Variants in RNPEP observed in about 807,000 individuals in gnomAD.
The protein encoded by RNPEP is aminopeptidase B.
A neutral mutation model predicts 70.1 loss-of-function variants in RNPEP; 57 were observed. That is an observed-to-expected ratio of 0.81 (90% CI 0.66 to 1.01). The LOEUF is 1.01. Among genes scored for constraint, RNPEP ranks in the 50% least tolerant of loss-of-function variants. The pLI is 0.00. For synonymous variants in RNPEP, 335 were observed against 357.4 expected, an observed-to-expected ratio of 0.94 and a Z score of 0.71; for missense variants, 787 against 852.4, an observed-to-expected ratio of 0.92 and a Z score of 0.96.
chr1:201,989,349 CAGGTAAA>C, intron 2 of RNPEP, 27 bp from the exon 3 acceptor site: 1 of 1,606,522 alleles, frequency 6.2e-7, no homozygotes, highest in Non-Finnish European at 8.5e-7. Context: ...AAACTCTCTC[CAGGTAAA>C]ATCTCCTAAG....
At chr1:201,986,675 G>T (rs1683143935) in intron 1 of RNPEP, among the ~76,000 whole-genome samples, 1 of 151,642 alleles carries the variant, frequency 6.6e-6, no homozygotes, top group Non-Finnish European at 1.5e-5. Context: ...GAAGTAGCTG[G>T]GACTATAGGC....
intron 1 of RNPEP, among the ~76,000 whole-genome samples, chr1:201,984,708 C>CT (rs1417450068): frequency 6.6e-6 from 1 of 151,928 alleles, no homozygotes; most frequent in East Asian, 1.9e-4. Context: ...AGGCACTAGT[C>CT]TAAGTGCTTG....
chr1:201,998,369 C>T (rs1683650296), intron 5 of RNPEP, among the ~76,000 whole-genome samples: 1 of 151,638 alleles, frequency 6.6e-6, no homozygotes, highest in South Asian at 2.1e-4. Flanking sequence ...ACATCCCACT[C>T]CCTGTAGCTG....
At chr1:201,983,746 G>C in intron 1 of RNPEP, 1 of 1,117,528 alleles carries the variant, frequency 8.9e-7, no homozygotes, top group Non-Finnish European at 1.1e-6. Context: ...CCTTCTCACT[G>C]TTGGTTAACT....
At chr1:201,994,668 CTTT>C (rs774484493) in intron 3 of RNPEP, among the ~76,000 whole-genome samples, 3 of 137,858 alleles carry the variant, frequency 2.2e-5, no homozygotes, top group African/African-American at 5.3e-5. Flanking sequence ...CCATCAGTCT[CTTT>C]TTTTTTTTTT....
At chr1:201,983,368 C>G in intron 1 of RNPEP, 1 of 1,499,178 alleles carries the variant, frequency 6.7e-7, no homozygotes, top group Non-Finnish European at 8.9e-7. Context: ...TCCGTCCTTC[C>G]GCGTCTCCTC....
chr1:201,990,244 T>C (rs1342975707), intron 3 of RNPEP, among the ~76,000 whole-genome samples: 1 of 152,230 alleles, frequency 6.6e-6, no homozygotes, highest in Non-Finnish European at 1.5e-5. Flanking sequence ...CATTTTCTTT[T>C]GCACGTAGTT....
In RNPEP at chr1:202,003,301, T is replaced by C. The variant is rs1419398910; in HGVS notation, c.1491T>C (p.Pro497=). ...CCCCGTACCTCCCTGATCTCTCCCCTGGGGACTCACTCATGAAGCCTGCTG... is the reference window on the plus strand; with the variant it reads ...CCCCGTACCTCCCTGATCTCTCCCCCGGGGACTCACTCATGAAGCCTGCTG... ...GWPPYLPDLS[P]GDSLMKPAEE... The change falls in exon 9 of 11, where the codon CCT becomes CCC. Residue 497 remains proline (P), a synonymous_variant. Transcript: ENST00000295640. 1 of 1,613,994 alleles carries C rather than the reference T, an allele frequency of 6.2e-7. No individual in the cohort carries two copies. The highest frequency in any genetic ancestry group is 1.3e-5 in the African/African-American group (1 of 74,898).
chr1:201,992,992 C>T (rs1429668561), intron 3 of RNPEP, among the ~76,000 whole-genome samples: 1 of 152,022 alleles, frequency 6.6e-6, no homozygotes, highest in Non-Finnish European at 1.5e-5. Flanking sequence ...TAAGACTTTA[C>T]TCTTCTCTTT....
intron 3 of RNPEP, chr1:201,995,859 T>C (rs184584370): frequency 5.9e-6 from 2 of 339,762 alleles, no homozygotes; most frequent in East Asian, 9.9e-5. Flanking sequence ...ATGAGGAAAC[T>C]GAGGCTCACA....
At chr1:201,991,107 TG>T (rs1683316017) in intron 3 of RNPEP, among the ~76,000 whole-genome samples, 1 of 151,962 alleles carries the variant, frequency 6.6e-6, no homozygotes, top group Non-Finnish European at 1.5e-5. Context: ...TAGGGTCTTG[TG>T]GGGGGTTATT....
Position 202,003,266 on chromosome 1 carries a change from C to A in RNPEP, c.1456C>A (p.Pro486Thr). The stretch of plus-strand genomic sequence containing the variant: ...TGAGTTTGATCGATGGCTGAATACC[C>A]CCGGCTGGCCCCCGTACCTCCCTGA... ...GFEFDRWLNTPGWPPYLPDLS... is the reference protein window; with the variant it reads ...GFEFDRWLNTTGWPPYLPDLS... Residue 486 changes from proline to threonine, a missense_variant, in exon 9 of 11, where the codon CCC becomes ACC. Coordinates refer to ENST00000295640, the MANE Select transcript of RNPEP (RefSeq NM_020216.4). The A allele has an allele frequency of 6.2e-7, 1 of 1,613,488 alleles. No individual in the cohort carries two copies. Among genetic ancestry groups the A allele is most frequent in the Non-Finnish European group, 8.5e-7 (1 of 1,179,704 alleles).
intron 4 of RNPEP, chr1:201,996,465 T>TGTGTGTG: frequency 2.2e-5 from 5 of 230,682 alleles, no homozygotes; most frequent in East Asian, 1.2e-4. Context: ...ATGAGGTTCT[T>TGTGTGTG]TGTGTGTGTG....
intron 1 of RNPEP, among the ~76,000 whole-genome samples, chr1:201,986,786 A>C (rs1683147437): frequency 6.7e-6 from 1 of 150,316 alleles, no homozygotes; most frequent in South Asian, 2.1e-4. Context: ...GTGATCCACC[A>C]GCCTCGGCCT....
chr1:201,988,330 C>T (rs1341287066), intron 1 of RNPEP, among the ~76,000 whole-genome samples: 5 of 143,652 alleles, frequency 3.5e-5, no homozygotes, highest in African/African-American at 7.8e-5. Flanking sequence ...GTGGTGCACG[C>T]GCCTGTGGTC....
intron 3 of RNPEP, among the ~76,000 whole-genome samples, chr1:201,993,168 C>T (rs1000010165): frequency 6.6e-6 from 1 of 152,204 alleles, no homozygotes. Context: ...AAGGTCCTTC[C>T]TTCTGTTTAA....
chr1:201,997,715 C>G (rs895152926), intron 5 of RNPEP, among the ~76,000 whole-genome samples, 161 bp downstream of exon 5: 2 of 151,024 alleles, frequency 1.3e-5, no homozygotes, highest in Non-Finnish European at 2.9e-5. Flanking sequence ...TCAAACCACA[C>G]ATGGTTTGAC....
rs79043888 is a variant in RNPEP, at chr1:201,989,008, G to A, written c.552G>A (p.Thr184=). The A allele has an allele frequency of 3.7e-3, 6,049 of 1,614,064 alleles. 185 individuals carry two copies. The African/African-American group carries it at 0.07, about 19-fold the overall frequency. The change falls in exon 2 of 11, where the codon ACG becomes ACA. Residue 184 remains threonine (T), a synonymous_variant. Coordinates refer to ENST00000295640, the MANE Select transcript of RNPEP (RefSeq NM_020216.4). ...LNRAFFPCFD[T]PAVKYKYSAL... ...GGGCCTTCTTCCCTTGCTTCGACAC[G>A]CCTGCTGTTAAATACAAGTATTCAG...
chr1:202,000,217 GTC>G, intron 6 of RNPEP: 1 of 512,996 alleles, frequency 1.9e-6, no homozygotes, highest in Non-Finnish European at 3.5e-6. Context: ...GTTCTGTCCA[GTC>G]TGTGCGGTTC....
Sources: allele counts gnomAD v4.1 joint callset (sites outside exome capture counted in the v4.1 genomes callset), GRCh38; gene constraint gnomAD v4.1.1; transcripts MANE v1.5; gene names NCBI Gene and HGNC (gene_info 2026-07-23, HGNC 2026-07-21).